Variants in RHOV observed in about 807,000 individuals in gnomAD.
RHOV encodes rho-related GTP-binding protein RhoV.
RHOV carries 6 observed loss-of-function variants against 20.2 expected under a neutral mutation model. The observed-to-expected ratio is 0.30, with a 90% CI of 0.16 to 0.59. RHOV has a LOEUF of 0.59. RHOV is among the 20% of genes least tolerant of loss of function. The probability of loss-of-function intolerance (pLI) is 0.89; values close to 1 mark genes in which losing one functional copy is unlikely to be tolerated. For missense variants in RHOV, 275 were observed against 319.4 expected (o/e 0.86, Z 1.06); for synonymous variants, 136 against 142.3 (o/e 0.96, Z 0.31).
rs1410716300 is a variant in RHOV, at chr15:40,873,263, G to T, written c.506C>A (p.Pro169His). Residue 169 changes from proline to histidine, a missense_variant, in exon 3 of 3, where the codon CCC (proline) becomes CAC (histidine). By Grantham distance (77) the Pro-to-His change is moderately conservative. Coordinates refer to ENST00000220507, the MANE Select transcript of RHOV (RefSeq NM_133639.4). Reference protein sequence around the residue: ...QGGREGPVPQPQAQGLAEKIR... With the variant: ...QGGREGPVPQHQAQGLAEKIR... ...CTTCTCGGCCAGACCCTGAGCCTGG[G>T]GTTGGGGCACGGGGCCCTCCCGGCC... The T allele has an allele frequency of 6.2e-7, 1 of 1,614,104 alleles. No homozygotes were observed. Among genetic ancestry groups the T allele is most frequent in the Non-Finnish European group, 8.5e-7 (1 of 1,180,030 alleles).
At position 40,872,790 on chromosome 15, in the gene RHOV, C is replaced by T. The variant is rs1891902106; in HGVS notation, c.*268G>A. Reference sequence around the variant, plus strand: ...CCAAACTGCTCGGAGGTGACTGACCCTGTTAGGACCATCCCATGAAAATCA... The same window carrying T: ...CCAAACTGCTCGGAGGTGACTGACCTTGTTAGGACCATCCCATGAAAATCA... On this transcript the variant is annotated 3_prime_UTR_variant, in exon 3 of 3. Transcript: ENST00000220507. 1 of 449,588 alleles carries T rather than the reference C, an allele frequency of 2.2e-6. No homozygotes were observed. Among genetic ancestry groups the T allele is most frequent in the African/African-American group, 2.0e-5 (1 of 49,780 alleles). 27.8% of individuals were successfully genotyped at this position (449,588 alleles called of 1,614,324 possible). A position where few individuals can be genotyped will look rare whatever the true frequency, so the allele number is the denominator to read the frequency against.
chr15:40,873,817 C>G, intron 1 of RHOV, 75 bp from the exon 2 acceptor site: 1 of 1,551,102 alleles, frequency 6.4e-7, no homozygotes, highest in South Asian at 1.1e-5. Flanking sequence ...TCGGGGCCTG[C>G]TCCAGTCTCC....
intron 2 of RHOV, 68 bp from the exon 3 acceptor site, chr15:40,873,569 C>T (rs1016264250): frequency 4.4e-6 from 7 of 1,588,880 alleles, no homozygotes; most frequent in South Asian, 1.1e-5. Context: ...TCACCCGGGG[C>T]TGGAAACCTG....
At position 40,874,156 on chromosome 15, in the gene RHOV, A is replaced by T; in HGVS notation, c.-17T>A. 8.2e-7 allele frequency: 1 copy of T among 1,224,008 alleles called. No individual in the cohort carries two copies. Among genetic ancestry groups the T allele is most frequent in the Non-Finnish European group, 1.0e-6 (1 of 952,912 alleles). The allele number at this position is 1,224,008 out of a possible 1,614,324, so 75.8% of individuals were successfully genotyped here. ...CGGCGGCATGGCCCGCTCCGGGGGC[A>T]GCAGAGGGGCCAGCCCGGGTCTCGG... On this transcript the variant is annotated 5_prime_UTR_variant, in exon 1 of 3. Transcript: ENST00000220507.
chr15:40,872,985 C>A lies in RHOV; in HGVS notation c.*73G>T. The A allele has an allele frequency of 8.0e-7, 1 of 1,253,000 alleles. No individual in the cohort carries two copies. The highest frequency in any genetic ancestry group is 1.4e-5 in the South Asian group (1 of 73,400). 77.6% of individuals were successfully genotyped at this position (1,253,000 alleles called of 1,614,324 possible). A position where few individuals can be genotyped will look rare whatever the true frequency, so the allele number is the denominator to read the frequency against. On this transcript the variant is annotated 3_prime_UTR_variant, in exon 3 of 3. Coordinates refer to ENST00000220507, the MANE Select transcript of RHOV (RefSeq NM_133639.4). ...GGCCAGGCCCTGCCAGTAGCTGCCGCAAAGGCCCGGGTGCCCCAGGTCTCA... is the reference window on the plus strand; with the variant it reads ...GGCCAGGCCCTGCCAGTAGCTGCCGAAAAGGCCCGGGTGCCCCAGGTCTCA...
rs1469673482 is a variant in RHOV, at chr15:40,873,717, C to G, written c.234G>C (p.Pro78=). The G allele has an allele frequency of 1.2e-6, 2 of 1,613,774 alleles. No individual in the cohort carries two copies. Among genetic ancestry groups the G allele is most frequent in the Non-Finnish European group, 1.7e-6 (2 of 1,180,030 alleles). The change falls in exon 2 of 3, where the codon CCG becomes CCC. Residue 78 remains proline (P), a synonymous_variant. Coordinates refer to ENST00000220507, the MANE Select transcript of RHOV (RefSeq NM_133639.4). ...FSVQVLVDGA[P]VRIELWDTAG... ...CTGTGTCCCAGAGCTCAATGCGCAC[C>G]GGAGCTCCATCCACCAGGACTTGCA...
In RHOV at chr15:40,873,982, C is replaced by T. The variant is rs1891925393; in HGVS notation, c.158G>A (p.Cys53Tyr). ...GKSSLIVSYTCNGYPARYRPT... is the reference protein window; with the variant it reads ...GKSSLIVSYTYNGYPARYRPT... ...CCGGTAGCGCGCGGGGTACCCATTGCAGGTGTAGCTGACGATGAGGCTGCT... is the reference window on the plus strand; with the variant it reads ...CCGGTAGCGCGCGGGGTACCCATTGTAGGTGTAGCTGACGATGAGGCTGCT... Residue 53 changes from cysteine (C) to tyrosine (Y), a missense_variant, in exon 1 of 3, where the codon TGC (cysteine) becomes TAC (tyrosine). Physicochemically the swap from Cys to Tyr is radical, Grantham distance 194. Coordinates refer to ENST00000220507, the MANE Select transcript of RHOV (RefSeq NM_133639.4). 1 of 1,611,176 alleles carries T rather than the reference C, an allele frequency of 6.2e-7. No individual in the cohort carries two copies.
chr15:40,874,078 G>T lies in RHOV; in HGVS notation c.62C>A (p.Pro21Gln). 6.6e-7 allele frequency: 1 copy of T among 1,515,258 alleles called. No individual in the cohort carries two copies. Among genetic ancestry groups the T allele is most frequent in the East Asian group, 2.7e-5 (1 of 36,706 alleles). 93.9% of individuals were successfully genotyped at this position (1,515,258 alleles called of 1,614,324 possible). Residue 21 changes from proline (P) to glutamine (Q), a missense_variant, in exon 1 of 3, where the codon CCG becomes CAG. Transcript: ENST00000220507. ...CTCTGGGGGCGCGCTACGCCGCCGC[G>T]GGGGAGGGGTCGGGGCCCGGAGCGG... is the stretch of plus-strand genomic sequence containing the variant. ...PPPLRAPTPPPRRRSAPPELG... is the reference protein window; with the variant it reads ...PPPLRAPTPPQRRRSAPPELG...
At position 40,873,482 on chromosome 15, in the gene RHOV, C is replaced by T; in HGVS notation, c.287G>A (p.Arg96His). ...TAGQEDFDRL[R>H]SLCYPDTDVF... ...ATCGGTATCCGGGTAGCAAAGGGAA[C>T]GAAGTCGGTCAAAATCCTCCTGGGG... The change falls in exon 3 of 3, where the codon CGT becomes CAT. Residue 96 changes from arginine to histidine, a missense_variant. Transcript: ENST00000220507. 1.3e-6 allele frequency: 2 copies of T among 1,595,794 alleles called. No individual in the cohort carries two copies. Among genetic ancestry groups the T allele is most frequent in the African/African-American group, 2.7e-5 (2 of 74,592 alleles).
Position 40,874,030 on chromosome 15 carries a change from A to C in RHOV, c.110T>G (p.Val37Gly). ...GCTCTTGCCCACGGCGCCGTCGCCC[A>C]CCAGCACGCACTTGATGCCCAGCTC... ...PPELGIKCVLVGDGAVGKSSL... is the reference protein window; with the variant it reads ...PPELGIKCVLGGDGAVGKSSL... The change falls in exon 1 of 3, where the codon GTG (valine) becomes GGG (glycine). Residue 37 changes from valine (V) to glycine (G), a missense_variant. By Grantham distance (109) the Val-to-Gly change is moderately radical (BLOSUM62 -3). Transcript: ENST00000220507. The C allele has an allele frequency of 1.2e-6, 2 of 1,601,446 alleles. No individual in the cohort carries two copies. The highest frequency in any genetic ancestry group is 1.7e-6 in the Non-Finnish European group (2 of 1,175,506).
At position 40,873,026 on chromosome 15, in the gene RHOV, C is replaced by T. The variant is rs1171640765; in HGVS notation, c.*32G>A. The stretch of plus-strand genomic sequence containing the variant: ...CCAGGTCTCAGAAGTCTTTGGCCTC[C>T]TGCCTACTACTTGCTATGCAGCCAT... On this transcript the variant is annotated 3_prime_UTR_variant, in exon 3 of 3. Coordinates refer to ENST00000220507, the MANE Select transcript of RHOV (RefSeq NM_133639.4). 2.5e-6 allele frequency: 4 copies of T among 1,572,024 alleles called. No individual in the cohort carries two copies. The Admixed American group carries it at 6.9e-5, about 27-fold the overall frequency.
chr15:40,874,017 G>C lies in RHOV; in HGVS notation c.123C>G (p.Ala41=). Residue 41 remains alanine (A), a synonymous_variant, in exon 1 of 3, where the codon GCC becomes GCG. Coordinates refer to ENST00000220507, the MANE Select transcript of RHOV (RefSeq NM_133639.4). ...TGACGATGAGGCTGCTCTTGCCCAC[G>C]GCGCCGTCGCCCACCAGCACGCACT... ...GIKCVLVGDG[A]VGKSSLIVSY... is the part of the protein sequence containing the mutation. 1.9e-6 allele frequency: 3 copies of C among 1,605,868 alleles called. No homozygotes were observed. The highest frequency in any genetic ancestry group is 2.5e-6 in the Non-Finnish European group (3 of 1,177,274).
chr15:40,873,832 C>T (rs1438836017), intron 1 of RHOV, 90 bp from the exon 2 acceptor site: 1 of 1,542,938 alleles, frequency 6.5e-7, no homozygotes, highest in African/African-American at 1.4e-5. Flanking sequence ...GTCTCCTCCC[C>T]GGGGTCCTCT....
rs1891915667 is a variant in RHOV at position 40,873,386 on chromosome 15, T to C, written c.383A>G (p.Glu128Gly). ...FQNITEKWLP[E>G]IRTHNPQAPV... ...CGCCTGGGGGTTGTGCGTGCGGATC[T>C]CGGGCAGCCATTTCTCTGTGATGTT... The change falls in exon 3 of 3, where the codon GAG (glutamate) becomes GGG (glycine). Residue 128 changes from glutamate (E) to glycine (G), a missense_variant. Coordinates refer to ENST00000220507, the MANE Select transcript of RHOV (RefSeq NM_133639.4). 1.2e-6 allele frequency: 2 copies of C among 1,613,132 alleles called. No individual in the cohort carries two copies.
In RHOV at chr15:40,874,151, G is replaced by A; in HGVS notation, c.-12C>T. ...TCCCGCGGCGGCATGGCCCGCTCCG[G>A]GGGCAGCAGAGGGGCCAGCCCGGGT... On this transcript the variant is annotated 5_prime_UTR_variant, in exon 1 of 3. Coordinates refer to ENST00000220507, the MANE Select transcript of RHOV (RefSeq NM_133639.4). 2 of 1,279,564 alleles carry A rather than the reference G, an allele frequency of 1.6e-6. No individual in the cohort carries two copies. Among genetic ancestry groups the A allele is most frequent in the Non-Finnish European group, 2.0e-6 (2 of 1,002,356 alleles). 79.3% of individuals were successfully genotyped at this position (1,279,564 alleles called of 1,614,324 possible). A position where few individuals can be genotyped will look rare whatever the true frequency, so the allele number is the denominator to read the frequency against.
Position 40,873,089 on chromosome 15 carries a change from C to T in RHOV, c.680G>A (p.Cys227Tyr). The T allele has an allele frequency of 6.2e-7, 1 of 1,614,180 alleles. No homozygotes were observed. The highest frequency in any genetic ancestry group is 8.5e-7 in the Non-Finnish European group (1 of 1,179,984). ...NAKGVRTLSRCRWKKFFCFV is the reference protein window; with the variant it reads ...NAKGVRTLSRYRWKKFFCFV ...GAAGCAGAAGAACTTCTTCCAGCGG[C>T]AGCGGGAGAGGGTGCGCACACCTTT... is the stretch of plus-strand genomic sequence containing the variant. The change falls in exon 3 of 3, where the codon TGC (cysteine) becomes TAC (tyrosine). Residue 227 changes from cysteine to tyrosine, a missense_variant. Coordinates refer to ENST00000220507, the MANE Select transcript of RHOV (RefSeq NM_133639.4).
chr15:40,873,686 G>C lies in RHOV; in HGVS notation c.265C>G (p.Gln89Glu), dbSNP rs780924324. ...AGAGGCCGCGCCCAGCTTCTCACCTGTCCCGCTGTGTCCCAGAGCTCAATG... is the reference window on the plus strand; with the variant it reads ...AGAGGCCGCGCCCAGCTTCTCACCTCTCCCGCTGTGTCCCAGAGCTCAATG... ...VRIELWDTAG[Q>E]EDFDRLRSLC... Residue 89 changes from glutamine (Q) to glutamate (E), a missense_variant and splice_region_variant, in exon 2 of 3, where the codon CAG (glutamine) becomes GAG (glutamate). By Grantham distance (29) the Gln-to-Glu change is conservative. Transcript: ENST00000220507. 2 of 1,613,970 alleles carry C rather than the reference G, an allele frequency of 1.2e-6. No individual in the cohort carries two copies. The highest frequency in any genetic ancestry group is 1.7e-6 in the Non-Finnish European group (2 of 1,179,970).
Position 40,873,999 on chromosome 15 carries a change from G to A in RHOV, c.141C>T (p.Leu47=). The change falls in exon 1 of 3, where the codon CTC becomes CTT. Residue 47 remains leucine, a synonymous_variant. Transcript: ENST00000220507. ...VGDGAVGKSS[L]IVSYTCNGYP... ...ACCCATTGCAGGTGTAGCTGACGAT[G>A]AGGCTGCTCTTGCCCACGGCGCCGT... 6.2e-7 allele frequency: 1 copy of A among 1,610,160 alleles called. No homozygotes were observed. The highest frequency in any genetic ancestry group is 1.1e-5 in the South Asian group (1 of 90,854).
In RHOV at chr15:40,872,256, A is replaced by G. The variant is rs1891895303; in HGVS notation, c.*802T>C. 6.6e-6 allele frequency: 1 copy of G among 152,290 alleles called. No individual in the cohort carries two copies. Among genetic ancestry groups the G allele is most frequent in the Non-Finnish European group, 1.5e-5 (1 of 68,102 alleles). 9.4% of individuals were successfully genotyped at this position (152,290 alleles called of 1,614,324 possible). A position where few individuals can be genotyped will look rare whatever the true frequency, so the allele number is the denominator to read the frequency against. The stretch of plus-strand genomic sequence containing the variant: ...TTATTTGCAGACTCTGCACTGCTCT[A>G]GCTTCTAGGCTGTGTGACCTTGAGG... On this transcript the variant is annotated 3_prime_UTR_variant, in exon 3 of 3. Transcript: ENST00000220507.
Sources: allele counts gnomAD v4.1 joint callset, GRCh38; gene constraint gnomAD v4.1.1; transcripts MANE v1.5; gene names NCBI Gene and HGNC (gene_info 2026-07-23, HGNC 2026-07-21).